CD82: variants seen among roughly 807,000 people sequenced by gnomAD.
CD82 encodes CD82 molecule.
A neutral mutation model predicts 37.4 loss-of-function variants in CD82; 36 were observed. The ratio of observed to expected loss-of-function variants is 0.96; its 90% confidence interval spans 0.74 to 1.27. The LOEUF (loss-of-function observed/expected upper bound fraction) is 1.27. Ranked by LOEUF, CD82 falls within the 50% of genes most tolerant of loss-of-function variation. The probability of loss-of-function intolerance (pLI) is 0.00; values close to 1 mark genes in which losing one functional copy is unlikely to be tolerated. For synonymous variants in CD82, 158 were observed against 137.4 expected (o/e 1.15, Z -1.05); for missense variants, 340 against 347.0 (o/e 0.98, Z 0.16).
Position 44,577,084 on chromosome 11 carries a change from G to T in CD82, c.-102-10391G>T, listed in dbSNP as rs528034394. 5.3e-5 allele frequency among the ~76,000 whole-genome samples: 8 copies of T among 152,178 alleles called. No individual in the cohort carries two copies. In the East Asian group the frequency reaches 1.5e-3, roughly 29 times the overall value. Reference sequence around the variant, plus strand: ...CAGGAAGGGCTGGCCTGGGATCTTCGCTGTTGGCCAAGAACCCATGGGGAG... The same window carrying T: ...CAGGAAGGGCTGGCCTGGGATCTTCTCTGTTGGCCAAGAACCCATGGGGAG... On this transcript the variant is annotated intron_variant, in intron 1 of 9. Coordinates refer to ENST00000227155, the MANE Select transcript of CD82 (RefSeq NM_002231.4).
chr11:44,574,695 T>C (rs545226723), intron 1 of CD82, among the ~76,000 whole-genome samples: 252 of 152,254 alleles, frequency 1.7e-3, no homozygotes, highest in Middle Eastern at 3.4e-3. Flanking sequence ...CGTGAGCAGT[T>C]TGGTGTTTTG....
At chr11:44,568,276 C>T (rs1286192127) in intron 1 of CD82, among the ~76,000 whole-genome samples, 1 of 152,058 alleles carries the variant, frequency 6.6e-6, no homozygotes, top group Non-Finnish European at 1.5e-5. Flanking sequence ...AAGGAAGAGA[C>T]ACCAGCCACA....
At chr11:44,613,376 C>T (rs1853515076) in intron 6 of CD82, among the ~76,000 whole-genome samples, 2 of 152,210 alleles carry the variant, frequency 1.3e-5, no homozygotes, top group African/African-American at 4.8e-5. Flanking sequence ...CTGGGTTTGC[C>T]TCCTTTTGCA....
intron 1 of CD82, among the ~76,000 whole-genome samples, chr11:44,571,162 G>A (rs1311036293): frequency 2.6e-5 from 4 of 152,212 alleles, no homozygotes; most frequent in East Asian, 3.8e-4. Context: ...TAGGAAGCCC[G>A]GGTTCAAATC....
At chr11:44,612,326 G>A (rs1371014229) in intron 6 of CD82, among the ~76,000 whole-genome samples, 2 of 152,156 alleles carry the variant, frequency 1.3e-5, no homozygotes, top group Admixed American at 6.5e-5. Context: ...TAACCTCTCT[G>A]GGTTTGTTTT....
At chr11:44,579,256 G>T (rs543314418) in intron 1 of CD82, among the ~76,000 whole-genome samples, 1 of 151,838 alleles carries the variant, frequency 6.6e-6, no homozygotes, top group Admixed American at 6.5e-5. Flanking sequence ...GGCAGGGTGG[G>T]TGAGGCTAGA....
chr11:44,568,649 C>T (rs999762848), intron 1 of CD82, among the ~76,000 whole-genome samples: 1 of 152,144 alleles, frequency 6.6e-6, no homozygotes, highest in African/African-American at 2.4e-5. Flanking sequence ...CACAAGTTTC[C>T]CACAGTAGGG....
intron 1 of CD82, among the ~76,000 whole-genome samples, chr11:44,581,406 C>T (rs761314112): frequency 5.3e-5 from 8 of 152,210 alleles, no homozygotes; most frequent in Non-Finnish European, 7.3e-5. Context: ...AACTGAGCCA[C>T]GTGAAGGACT....
intron 2 of CD82, among the ~76,000 whole-genome samples, chr11:44,590,344 C>A (rs1038548820): frequency 4.0e-5 from 6 of 151,666 alleles, no homozygotes; most frequent in African/African-American, 9.7e-5. Flanking sequence ...CACAGTGGCT[C>A]ACGTCTGTAA....
chr11:44,571,334 C>A (rs754221723), intron 1 of CD82, among the ~76,000 whole-genome samples: 10 of 152,278 alleles, frequency 6.6e-5, no homozygotes, highest in Non-Finnish European at 1.2e-4. Flanking sequence ...ATCACAGACT[C>A]TGGAATCAAA....
chr11:44,600,262 C>T, intron 4 of CD82, 32 bp downstream of exon 4: 2 of 1,604,482 alleles, frequency 1.2e-6, no homozygotes, highest in East Asian at 4.5e-5. Flanking sequence ...CAGACCCAGG[C>T]CCACTGAAGA....
intron 6 of CD82, chr11:44,606,870 A>G (rs543119765): frequency 2.0e-5 from 3 of 152,434 alleles, no homozygotes; most frequent in African/African-American, 7.2e-5. Flanking sequence ...AGTGTTGACC[A>G]CGTTACACTC....
chr11:44,602,909 C>T (rs1186970489), intron 4 of CD82, among the ~76,000 whole-genome samples: 11 of 152,164 alleles, frequency 7.2e-5, no homozygotes, highest in Admixed American at 3.3e-4. Flanking sequence ...CACCTTGCAG[C>T]CTGCTAGCCT....
chr11:44,571,737 G>T (rs1481785037), intron 1 of CD82, among the ~76,000 whole-genome samples: 1 of 152,028 alleles, frequency 6.6e-6, no homozygotes, highest in African/African-American at 2.4e-5. Context: ...ACCACACCAG[G>T]CTAATTTTTG....
chr11:44,568,919 G>T (rs1852775947), intron 1 of CD82, among the ~76,000 whole-genome samples: 1 of 152,212 alleles, frequency 6.6e-6, no homozygotes, highest in African/African-American at 2.4e-5. Context: ...CCTGATTCTG[G>T]CTTGACCTTG....
At chr11:44,593,803 A>G (rs1853179438) in intron 2 of CD82, among the ~76,000 whole-genome samples, 1 of 152,176 alleles carries the variant, frequency 6.6e-6, no homozygotes, top group Admixed American at 6.5e-5. Flanking sequence ...TGCTAACTAC[A>G]CATGAATTTT....
chr11:44,609,738 C>T (rs557563551), intron 6 of CD82, among the ~76,000 whole-genome samples: 20 of 152,222 alleles, frequency 1.3e-4, no homozygotes, highest in Admixed American at 2.6e-4. Flanking sequence ...GGTTCTCTTG[C>T]GATGGGGCAG....
At chr11:44,591,385 C>G (rs561058233) in intron 2 of CD82, among the ~76,000 whole-genome samples, 9 of 152,324 alleles carry the variant, frequency 5.9e-5, no homozygotes, top group Admixed American at 5.9e-4. Flanking sequence ...ACCAAGGGAC[C>G]AGCCAAGCTT....
chr11:44,617,493 A>G (rs1235136816), intron 7 of CD82, among the ~76,000 whole-genome samples: 1 of 129,916 alleles, frequency 7.7e-6, no homozygotes, highest in Non-Finnish European at 1.6e-5. Context: ...CTGGAGGTGG[A>G]GGTTGCAGTG....
Sources: gnomAD v4.1 joint callset for allele counts (sites outside exome capture counted in the v4.1 genomes callset) on GRCh38, gnomAD v4.1.1 for gene constraint, MANE v1.5 for transcripts, NCBI Gene and HGNC (gene_info 2026-07-23, HGNC 2026-07-21) for gene names.